Variants in SLC8A1 observed in about 807,000 individuals in gnomAD.
SLC8A1 encodes the protein solute carrier family 8 member A1, also known as sodium/calcium exchanger 1.
In SLC8A1, 18 loss-of-function variants were observed where a neutral mutation model predicts 68.3. The ratio of observed to expected loss-of-function variants is 0.26; its 90% CI spans 0.18 to 0.39. The LOEUF is 0.39. SLC8A1 is among the 10% of genes least tolerant of loss of function. The pLI, the probability that SLC8A1 is intolerant of heterozygous loss-of-function variation, is 1.00. For synonymous variants in SLC8A1, 475 were observed against 415.5 expected (o/e 1.14, Z -1.74); for missense variants, 985 against 1,156.7 (o/e 0.85, Z 2.15).
chr2:40,484,181 A>C (rs1377775776), intron 1 of SLC8A1, among the ~76,000 whole-genome samples: 1 of 152,250 alleles, frequency 6.6e-6, no homozygotes, highest in East Asian at 1.9e-4. Flanking sequence ...ATATTATTCC[A>C]ATCACACTAT....
chr2:40,200,192 T>TATATTTA (rs2053920580), intron 2 of SLC8A1, among the ~76,000 whole-genome samples: 2 of 9,628 alleles, frequency 2.1e-4, no homozygotes, highest in African/African-American at 5.4e-4. Flanking sequence ...ATATATATAT[T>TATATTTA]TATATATATA....
At chr2:40,385,874 A>C (rs1363821034) in intron 2 of SLC8A1, among the ~76,000 whole-genome samples, 1 of 151,412 alleles carries the variant, frequency 6.6e-6, no homozygotes, top group East Asian at 1.9e-4. Flanking sequence ...AAAGTACACA[A>C]AATGATAATC....
At chr2:40,239,079 T>A (rs2060849317) in intron 2 of SLC8A1, among the ~76,000 whole-genome samples, 4 of 151,700 alleles carry the variant, frequency 2.6e-5, no homozygotes. Flanking sequence ...TTATGGAGGC[T>A]TCTAAATTAT....
chr2:40,133,413 C>G (rs1487311220), intron 7 of SLC8A1, among the ~76,000 whole-genome samples: 1 of 148,158 alleles, frequency 6.7e-6, no homozygotes, highest in Non-Finnish European at 1.5e-5. Context: ...GGGTGGAAAC[C>G]AAAACCATCT....
At chr2:40,396,748 TAAAAAAAAAAA>T (rs368483768) in intron 2 of SLC8A1, among the ~76,000 whole-genome samples, 2 of 87,084 alleles carry the variant, frequency 2.3e-5, no homozygotes, top group South Asian at 3.8e-4. Context: ...CTCTAATAAC[TAAAAAAAAAAA>T]AAAAAAAAAA....
chr2:40,483,292 T>A (rs1006600484), intron 1 of SLC8A1, among the ~76,000 whole-genome samples: 4 of 151,170 alleles, frequency 2.6e-5, no homozygotes, highest in Non-Finnish European at 3.0e-5. Flanking sequence ...TATATATATA[T>A]GATAAATAAT....
chr2:40,127,136 A>AT (rs2038286158), intron 7 of SLC8A1, among the ~76,000 whole-genome samples: 1 of 152,162 alleles, frequency 6.6e-6, no homozygotes, highest in Non-Finnish European at 1.5e-5. Flanking sequence ...CTAGTTAGCT[A>AT]TTGGCATTGT....
intron 7 of SLC8A1, among the ~76,000 whole-genome samples, chr2:40,122,903 A>G (rs1164312355): frequency 6.6e-6 from 1 of 152,210 alleles, no homozygotes; most frequent in South Asian, 2.1e-4. Context: ...CCTACTTTGT[A>G]TCTGATATCC....
intron 1 of SLC8A1, among the ~76,000 whole-genome samples, chr2:40,445,940 G>A (rs544182621): frequency 4.3e-4 from 65 of 152,182 alleles, no homozygotes; most frequent in South Asian, 1.2e-3. Flanking sequence ...AAGCTTGGAT[G>A]TAGAGTAAGC....
chr2:40,322,385 G>C (rs751387327), intron 2 of SLC8A1, among the ~76,000 whole-genome samples: 12 of 151,430 alleles, frequency 7.9e-5, no homozygotes, highest in Admixed American at 7.9e-4. Flanking sequence ...AAGCTGGGCA[G>C]TGTGGTTCAC....
chr2:40,293,637 A>T (rs1216714973), intron 2 of SLC8A1, among the ~76,000 whole-genome samples: 1 of 152,140 alleles, frequency 6.6e-6, no homozygotes, highest in Non-Finnish European at 1.5e-5. Flanking sequence ...CACTCTATTG[A>T]TGCTAAGTGA....
chr2:40,444,560 C>A (rs1399658199), intron 1 of SLC8A1, among the ~76,000 whole-genome samples: 1 of 152,148 alleles, frequency 6.6e-6, no homozygotes, highest in East Asian at 1.9e-4. Flanking sequence ...GTTTCATTTG[C>A]GTCTCTCATA....
intron 2 of SLC8A1, among the ~76,000 whole-genome samples, chr2:40,382,968 T>A (rs1682383373): frequency 1.3e-5 from 2 of 152,154 alleles, no homozygotes; most frequent in South Asian, 4.1e-4. Flanking sequence ...TTTGCTTTTA[T>A]ACTATTTAAT....
intron 2 of SLC8A1, among the ~76,000 whole-genome samples, chr2:40,322,444 G>C (rs554815238): frequency 2.1e-3 from 321 of 149,304 alleles, no homozygotes; most frequent in African/African-American, 7.4e-3. Flanking sequence ...GATTGCTTGA[G>C]GCCAGGAGTT....
intron 2 of SLC8A1, among the ~76,000 whole-genome samples, chr2:40,367,957 C>A (rs73926623): frequency 0.012 from 1,796 of 151,928 alleles, 34 homozygotes; most frequent in African/African-American, 0.04. Flanking sequence ...AAATTCAGTC[C>A]TTCATATTTC....
chr2:40,444,690 A>G (rs114627675), intron 1 of SLC8A1, among the ~76,000 whole-genome samples: 1 of 152,320 alleles, frequency 6.6e-6, no homozygotes, highest in African/African-American at 2.4e-5. Context: ...AATTACTGGA[A>G]AAAAAAGAAT....
rs912245851 is a variant in SLC8A1 at position 40,168,689 on chromosome 2, A to G, written c.1931-3705T>C. Among the ~76,000 whole-genome samples the G allele has an allele frequency of 3.3e-5, 5 of 152,288 alleles. No homozygotes were observed. The East Asian group carries it at 7.7e-4, about 24-fold the overall frequency. On this transcript the variant is annotated intron_variant, in intron 4 of 7. Transcript: ENST00000406785. ...ATTTTGTTTCCTTTTCTCTTGGAGC[A>G]TTGGATCAAAAGCAGATCATTTTAC...
chr2:40,409,269 T>C lies in SLC8A1; in HGVS notation c.1808+19204A>G, dbSNP rs375519817. Among the ~76,000 whole-genome samples the C allele has an allele frequency of 1.8e-4, 27 of 152,256 alleles. 1 individual carries two copies. The highest frequency in any genetic ancestry group is 1.4e-3 in the East Asian group (7 of 5,166). On this transcript the variant is annotated intron_variant, in intron 2 of 7. Coordinates refer to ENST00000406785, the Ensembl canonical transcript of SLC8A1. ...AATCATATTTTGTTACTAGGGTATA[T>C]TCTAATTTTTTTCCTACGGGAAAAA...
At chr2:40,252,556 A>C (rs1306264080) in intron 2 of SLC8A1, among the ~76,000 whole-genome samples, 1 of 151,810 alleles carries the variant, frequency 6.6e-6, no homozygotes, top group Non-Finnish European at 1.5e-5. Flanking sequence ...AGGGACTCAA[A>C]CTCCTGACCT....
Sources: gnomAD v4.1 joint callset for allele counts (sites outside exome capture counted in the v4.1 genomes callset) on GRCh38, gnomAD v4.1.1 for gene constraint, MANE v1.5 for transcripts, NCBI Gene and HGNC (gene_info 2026-07-23, HGNC 2026-07-21) for gene names.